Variants in PPARGC1A observed in about 807,000 individuals in gnomAD.
PPARGC1A encodes the protein PPARG coactivator 1 alpha, also known as peroxisome proliferator-activated receptor gamma coactivator 1-alpha.
Under a neutral mutation model 88.7 loss-of-function variants are expected in PPARGC1A, and 25 were observed. That is an observed-to-expected ratio of 0.28 (90% CI 0.21 to 0.39). The LOEUF (loss-of-function observed/expected upper bound fraction) is 0.39, where lower values mean the gene tolerates loss of function less well. Ranked by LOEUF, PPARGC1A falls within the 10% of genes least tolerant of loss-of-function variation. The probability of loss-of-function intolerance (pLI) is 1.00; values close to 1 mark genes in which losing one functional copy is unlikely to be tolerated. For synonymous variants in PPARGC1A, 363 were observed against 355.6 expected, an observed-to-expected ratio of 1.02 and a Z score of -0.24; for missense variants, 880 against 968.7, an observed-to-expected ratio of 0.91 and a Z score of 1.22.
chr4:24,047,500 G>A, the PPARGC1A span, among the ~76,000 whole-genome samples: 1 of 152,138 alleles, frequency 6.6e-6, no homozygotes, highest in Non-Finnish European at 1.5e-5. Flanking sequence ...AACCCTATAA[G>A]GTAGCACCAT....
chr4:23,836,887 GAGAGGA>G (rs1726120437), intron 2 of PPARGC1A, among the ~76,000 whole-genome samples: 1 of 152,166 alleles, frequency 6.6e-6, no homozygotes, highest in Non-Finnish European at 1.5e-5. Context: ...AATTAAGGAG[GAGAGGA>G]GGGACTCTGA....
chr4:24,213,941 A>T, the PPARGC1A span, among the ~76,000 whole-genome samples: 2 of 152,260 alleles, frequency 1.3e-5, no homozygotes, highest in Non-Finnish European at 2.9e-5. Context: ...ATGCAGGCTT[A>T]ATATGGGGCT....
At chr4:24,190,675 G>C in the PPARGC1A span, among the ~76,000 whole-genome samples, 1 of 152,166 alleles carries the variant, frequency 6.6e-6, no homozygotes, top group Admixed American at 6.6e-5. Flanking sequence ...GAGATGAAGT[G>C]ACTTCCTCCA....
the PPARGC1A span, among the ~76,000 whole-genome samples, chr4:24,101,273 A>C: frequency 6.6e-6 from 1 of 152,170 alleles, no homozygotes; most frequent in Non-Finnish European, 1.5e-5. Flanking sequence ...CACATGAAAA[A>C]GGTGCCTGCT....
chr4:24,068,827 G>A, the PPARGC1A span, among the ~76,000 whole-genome samples: 1 of 152,054 alleles, frequency 6.6e-6, no homozygotes, highest in Non-Finnish European at 1.5e-5. Flanking sequence ...ACTTCATCAT[G>A]AGAGAGTTCA....
At chr4:24,060,547 C>T in the PPARGC1A span, among the ~76,000 whole-genome samples, 1 of 152,066 alleles carries the variant, frequency 6.6e-6, no homozygotes, top group East Asian at 1.9e-4. Flanking sequence ...AAAAAAAAAT[C>T]GCTATAAAAA....
chr4:24,357,274 G>A, the PPARGC1A span, among the ~76,000 whole-genome samples: 32 of 152,118 alleles, frequency 2.1e-4, no homozygotes, highest in Admixed American at 2.1e-3. Flanking sequence ...AGCTTCTGGG[G>A]GAGGTCACAC....
the PPARGC1A span, among the ~76,000 whole-genome samples, chr4:24,408,256 C>T: frequency 8.0e-6 from 1 of 124,668 alleles, no homozygotes; most frequent in Non-Finnish European, 1.7e-5. Flanking sequence ...AGATTTCAAA[C>T]AAAGAAAAAA....
the PPARGC1A span, among the ~76,000 whole-genome samples, chr4:23,913,267 TAGAGAGAGAGAGAGAGAG>T: frequency 2.5e-4 from 19 of 77,506 alleles, no homozygotes; most frequent in East Asian, 7.7e-4. Flanking sequence ...TATATATATA[TAGAGAGAGAGAGAGAGAG>T]AGAGAGAGAG....
chr4:24,213,194 C>T, the PPARGC1A span, among the ~76,000 whole-genome samples: 10 of 137,976 alleles, frequency 7.2e-5, no homozygotes, highest in East Asian at 1.7e-3. Flanking sequence ...TGAGACAGAG[C>T]CTTGCTCTGT....
chr4:24,007,650 C>T, the PPARGC1A span, among the ~76,000 whole-genome samples: 689 of 152,212 alleles, frequency 4.5e-3, 3 homozygotes, highest in Middle Eastern at 0.02. Context: ...AGGCCACATC[C>T]CTGGAGCCCA....
intron 1 of PPARGC1A, chr4:23,888,891 T>C (rs1229649976): frequency 3.1e-6 from 3 of 967,160 alleles, no homozygotes; most frequent in Non-Finnish European, 3.7e-6. Flanking sequence ...GCCAGATTCA[T>C]TGTTAGCAGC....
the PPARGC1A span, among the ~76,000 whole-genome samples, chr4:24,111,032 G>C: frequency 3.3e-5 from 5 of 152,028 alleles, no homozygotes; most frequent in Non-Finnish European, 7.4e-5. Context: ...TATTTTAGCA[G>C]CTACACAGAG....
the PPARGC1A span, among the ~76,000 whole-genome samples, chr4:24,163,816 A>C: frequency 6.6e-6 from 1 of 152,242 alleles, no homozygotes; most frequent in Admixed American, 6.5e-5. Flanking sequence ...GCTCTCATTA[A>C]GTACCACTCT....
the PPARGC1A span, among the ~76,000 whole-genome samples, chr4:23,994,408 G>A: frequency 6.6e-6 from 1 of 152,122 alleles, no homozygotes; most frequent in Non-Finnish European, 1.5e-5. Context: ...AGGGGTTTGA[G>A]GAGAAAAGTG....
the PPARGC1A span, among the ~76,000 whole-genome samples, chr4:24,412,387 G>T: frequency 6.6e-6 from 1 of 151,784 alleles, no homozygotes; most frequent in Non-Finnish European, 1.5e-5. Flanking sequence ...ATTTTTTAAT[G>T]GTTAGGGGGA....
the PPARGC1A span, among the ~76,000 whole-genome samples, chr4:24,142,452 C>T: frequency 6.6e-6 from 1 of 151,326 alleles, no homozygotes; most frequent in Non-Finnish European, 1.5e-5. Flanking sequence ...GCAGGCGGAT[C>T]GCTTTGAGCT....
At chr4:24,104,453 T>A in the PPARGC1A span, among the ~76,000 whole-genome samples, 1 of 152,080 alleles carries the variant, frequency 6.6e-6, no homozygotes, top group East Asian at 1.9e-4. Flanking sequence ...TCAGATTCAA[T>A]TCACTGAACA....
At chr4:24,417,984 G>GT in the PPARGC1A span, among the ~76,000 whole-genome samples, 3 of 151,440 alleles carry the variant, frequency 2.0e-5, no homozygotes, top group African/African-American at 7.3e-5. Context: ...TATTTATTTT[G>GT]TTTTTTCTGT....
Sources: gnomAD v4.1 joint callset for allele counts (sites outside exome capture counted in the v4.1 genomes callset) on GRCh38, gnomAD v4.1.1 for gene constraint, MANE v1.5 for transcripts, NCBI Gene and HGNC (gene_info 2026-07-23, HGNC 2026-07-21) for gene names.